The following RAD18 variants were observed in gnomAD, a reference collection of about 807,000 sequenced individuals.
The protein encoded by RAD18 is RAD18 E3 ubiquitin protein ligase.
RAD18 carries 47 observed loss-of-function variants against 60.4 expected under a neutral mutation model. The observed-to-expected ratio is 0.78, with a 90% CI of 0.62 to 0.99. RAD18 has a LOEUF of 0.99. Among genes scored for constraint, RAD18 ranks in the 50% least tolerant of loss-of-function variants. The probability of loss-of-function intolerance (pLI) is 0.00; values close to 1 mark genes in which losing one functional copy is unlikely to be tolerated. For missense variants in RAD18, 640 were observed against 593.3 expected (o/e 1.08, Z -0.82); for synonymous variants, 225 against 195.5 (o/e 1.15, Z -1.26).
chr3:8,941,873 G>A, intron 4 of RAD18, 69 bp from the exon 5 acceptor site: 1 of 1,386,814 alleles, frequency 7.2e-7, no homozygotes, highest in Non-Finnish European at 9.9e-7. Context: ...ACTGACATAA[G>A]CTGTTTTCCC....
chr3:8,946,233 T>C (rs971401090), intron 4 of RAD18, among the ~76,000 whole-genome samples: 2 of 152,264 alleles, frequency 1.3e-5, no homozygotes, highest in Non-Finnish European at 2.9e-5. Context: ...ATAGGTACCA[T>C]TGTGTTGCAA....
intron 11 of RAD18, among the ~76,000 whole-genome samples, chr3:8,896,520 G>C (rs1939786727): frequency 1.3e-5 from 2 of 152,030 alleles, no homozygotes; most frequent in Admixed American, 1.3e-4. Context: ...TTTCTTTTTC[G>C]ACTGACTCAA....
intron 7 of RAD18, among the ~76,000 whole-genome samples, chr3:8,921,923 T>C (rs1379104701): frequency 6.6e-6 from 1 of 152,178 alleles, no homozygotes; most frequent in African/African-American, 2.4e-5. Context: ...GAAAAATCTA[T>C]GACAAAAATA....
intron 1 of RAD18, among the ~76,000 whole-genome samples, chr3:8,961,973 G>C (rs980066262): frequency 2.0e-5 from 3 of 152,194 alleles, no homozygotes; most frequent in Admixed American, 2.0e-4. Context: ...GGGGAAAGAA[G>C]CACTTAACAC....
At chr3:8,915,544 T>G (rs1054965537) in intron 7 of RAD18, among the ~76,000 whole-genome samples, 1 of 151,910 alleles carries the variant, frequency 6.6e-6, no homozygotes, top group African/African-American at 2.4e-5. Flanking sequence ...TTTGGGTGGC[T>G]TGGACACAGC....
intron 7 of RAD18, among the ~76,000 whole-genome samples, chr3:8,916,080 A>G (rs1940195446): frequency 6.6e-6 from 1 of 152,234 alleles, no homozygotes; most frequent in Non-Finnish European, 1.5e-5. Flanking sequence ...GCATTAAGCC[A>G]CTGACGAAAG....
chr3:8,891,075 A>AATATATATATATAT (rs71049753), intron 11 of RAD18, among the ~76,000 whole-genome samples: 2,356 of 25,434 alleles, frequency 0.093, 74 homozygotes, highest in African/African-American at 0.17. Context: ...ATATATATAA[A>AATATATATATATAT]ATATATATAT....
rs1254345512 is a variant in RAD18, at chr3:8,935,851, T to A, written c.889+20A>T. On this transcript the variant is annotated intron_variant, in intron 7 of 12. Coordinates refer to ENST00000264926, the MANE Select transcript of RAD18 (RefSeq NM_020165.4). ...GCTTTATCCAGAAAGTAAGCATAAC[T>A]CACTGTTTTATTACTTTACCTGATT... is the stretch of plus-strand genomic sequence containing the variant. 6.6e-7 allele frequency: 1 copy of A among 1,523,040 alleles called. No individual in the cohort carries two copies. The highest frequency in any genetic ancestry group is 2.4e-5 in the East Asian group (1 of 42,520). The allele number at this position is 1,523,040 out of a possible 1,614,324, so 94.3% of individuals were successfully genotyped here.
intron 12 of RAD18, among the ~76,000 whole-genome samples, chr3:8,885,699 A>G (rs571652223): frequency 6.6e-6 from 1 of 152,358 alleles, no homozygotes; most frequent in Non-Finnish European, 1.5e-5. Flanking sequence ...TGTGGACCAA[A>G]CATACATATT....
At chr3:8,941,904 A>C (rs1940753987) in intron 4 of RAD18, 100 bp from the exon 5 acceptor site, 18 of 1,094,406 alleles carry the variant, frequency 1.6e-5, no homozygotes, top group Non-Finnish European at 2.0e-5. Flanking sequence ...GTTTTCTGAA[A>C]TACAGGACCT....
intron 2 of RAD18, among the ~76,000 whole-genome samples, chr3:8,951,868 GTAAGT>G (rs1940930971): frequency 6.6e-6 from 1 of 152,172 alleles, no homozygotes; most frequent in South Asian, 2.1e-4. Context: ...TGCCAATATG[GTAAGT>G]TTATGCTGAA....
chr3:8,921,575 G>C (rs1940320803), intron 7 of RAD18, among the ~76,000 whole-genome samples: 2 of 152,096 alleles, frequency 1.3e-5, no homozygotes, highest in Admixed American at 1.3e-4. Flanking sequence ...TGGAGTCCGA[G>C]GCTGCGGTGA....
Position 8,935,896 on chromosome 3 carries a change from T to G in RAD18, c.864A>C (p.Gln288His), listed in dbSNP as rs192427631. ...CTGATTTAGGATGCAAAGCATCGCA[T>G]TGGGCATTGTACATGTGTACAAATT... ...HQEFVHMYNA[Q>H]CDALHPKSAA... Residue 288 changes from glutamine to histidine, a missense_variant, in exon 7 of 13, where the codon CAA (glutamine) becomes CAC (histidine). Coordinates refer to ENST00000264926, the MANE Select transcript of RAD18 (RefSeq NM_020165.4). The G allele has an allele frequency of 3.8e-6, 6 of 1,599,780 alleles. No individual in the cohort carries two copies. In the Admixed American group the frequency reaches 1.1e-4, roughly 28 times the overall value.
chr3:8,957,641 G>A (rs1157001856), intron 2 of RAD18, among the ~76,000 whole-genome samples: 2 of 152,120 alleles, frequency 1.3e-5, no homozygotes, highest in South Asian at 2.1e-4. Context: ...GAAAGCTAAA[G>A]CAACAGTAAA....
At chr3:8,920,083 C>G (rs1162586910) in intron 7 of RAD18, among the ~76,000 whole-genome samples, 1 of 152,102 alleles carries the variant, frequency 6.6e-6, no homozygotes, top group Admixed American at 6.5e-5. Flanking sequence ...GAGATTGAGA[C>G]CTTCCTGGCT....
intron 10 of RAD18, among the ~76,000 whole-genome samples, chr3:8,900,958 T>C (rs1939900847): frequency 6.6e-6 from 1 of 152,186 alleles, no homozygotes; most frequent in East Asian, 1.9e-4. Context: ...TAATGGGAAA[T>C]ATTCAGTCAG....
At chr3:8,929,196 C>A (rs916606876) in intron 7 of RAD18, among the ~76,000 whole-genome samples, 1 of 151,066 alleles carries the variant, frequency 6.6e-6, no homozygotes, top group Non-Finnish European at 1.5e-5. Context: ...GCAAATTAAA[C>A]CTAAAGTAAG....
At chr3:8,885,215 C>T (rs1458236303) in intron 12 of RAD18, among the ~76,000 whole-genome samples, 1 of 152,126 alleles carries the variant, frequency 6.6e-6, no homozygotes, top group Non-Finnish European at 1.5e-5. Flanking sequence ...AGACAGTGGT[C>T]AGATCAAGGA....
At chr3:8,914,019 T>C (rs1183550597) in intron 7 of RAD18, among the ~76,000 whole-genome samples, 1 of 152,198 alleles carries the variant, frequency 6.6e-6, no homozygotes, top group Non-Finnish European at 1.5e-5. Flanking sequence ...GAAGTCTCAG[T>C]GAAATATGAA....
Sources: gnomAD v4.1 joint callset for allele counts (sites outside exome capture counted in the v4.1 genomes callset) on GRCh38, gnomAD v4.1.1 for gene constraint, MANE v1.5 for transcripts, NCBI Gene and HGNC (gene_info 2026-07-23, HGNC 2026-07-21) for gene names.